NBEA: variants seen among roughly 807,000 people sequenced by gnomAD.
NBEA encodes lysosomal-trafficking regulator 2.
A neutral mutation model predicts 343.4 loss-of-function variants in NBEA; 44 were observed. That is an observed-to-expected ratio of 0.13 (90% CI 0.10 to 0.16). The LOEUF (loss-of-function observed/expected upper bound fraction) is 0.16. NBEA is among the 10% of genes least tolerant of loss of function. The pLI, the probability that NBEA is intolerant of heterozygous loss-of-function variation, is 1.00. For missense variants in NBEA, 2,555 were observed against 3,631.3 expected, an observed-to-expected ratio of 0.70 and a Z score of 7.62; for synonymous variants, 1,175 against 1,238.7, an observed-to-expected ratio of 0.95 and a Z score of 1.08.
chr13:35,644,723 A>G (rs2084134493), intron 49 of NBEA, among the ~76,000 whole-genome samples: 1 of 152,218 alleles, frequency 6.6e-6, no homozygotes, highest in Non-Finnish European at 1.5e-5. Context: ...TTCTTTGCAA[A>G]TAATTCTCAA....
intron 17 of NBEA, among the ~76,000 whole-genome samples, chr13:35,138,767 C>T (rs972586474): frequency 6.6e-6 from 1 of 151,878 alleles, no homozygotes; most frequent in African/African-American, 2.4e-5. Context: ...GCCAATTATG[C>T]TCCATTTTTC....
chr13:35,366,752 A>T (rs2041142634), intron 38 of NBEA, among the ~76,000 whole-genome samples: 1 of 151,324 alleles, frequency 6.6e-6, no homozygotes, highest in Non-Finnish European at 1.5e-5. Flanking sequence ...TAATTAACAC[A>T]TCACACTAGG....
At chr13:35,112,777 A>G (rs1417020599) in intron 13 of NBEA, among the ~76,000 whole-genome samples, 2 of 152,142 alleles carry the variant, frequency 1.3e-5, no homozygotes, top group East Asian at 1.9e-4. Context: ...ACACACCTAC[A>G]GATATATACA....
chr13:35,022,095 A>G (rs2061864190), intron 1 of NBEA, among the ~76,000 whole-genome samples: 1 of 152,108 alleles, frequency 6.6e-6, no homozygotes, highest in Non-Finnish European at 1.5e-5. Context: ...TTGTTAGACT[A>G]AGAGAATTTA....
Position 35,058,842 on chromosome 13 carries a change from T to C in NBEA, c.1218T>C (p.His406=), listed in dbSNP as rs1424459856. 3.1e-6 allele frequency: 5 copies of C among 1,606,792 alleles called. No homozygotes were observed. In the African/African-American group the frequency reaches 4.0e-5, roughly 13 times the overall value. Residue 406 remains histidine (H), a synonymous_variant, in exon 8 of 59, where the codon CAT becomes CAC. Coordinates refer to ENST00000379939, the MANE Select transcript of NBEA (RefSeq NM_001385012.1). ...ALNPAQIFAI[H]QLGPGYKSTF... Reference sequence around the variant, plus strand: ...ACCCAGCACAGATATTTGCAATTCATCAGTTAGGACCTGGATATAAGGTAG... The same window carrying C: ...ACCCAGCACAGATATTTGCAATTCACCAGTTAGGACCTGGATATAAGGTAG...
At chr13:35,623,229 T>G (rs908109285) in intron 48 of NBEA, among the ~76,000 whole-genome samples, 1 of 152,162 alleles carries the variant, frequency 6.6e-6, no homozygotes, top group African/African-American at 2.4e-5. Flanking sequence ...CGTTTCAAAG[T>G]GCCAAATAGG....
chr13:35,667,150 TA>T (rs1459757857), intron 56 of NBEA, among the ~76,000 whole-genome samples: 1 of 152,228 alleles, frequency 6.6e-6, no homozygotes, highest in African/African-American at 2.4e-5. Flanking sequence ...ACCAAGTATC[TA>T]CCTGGTGAAG....
chr13:35,236,926 A>G (rs2075267373), intron 34 of NBEA, among the ~76,000 whole-genome samples: 1 of 152,048 alleles, frequency 6.6e-6, no homozygotes, highest in Non-Finnish European at 1.5e-5. Context: ...CTTATTGTTT[A>G]TATTGTCATT....
chr13:35,187,355 T>A (rs1428310787), intron 30 of NBEA, among the ~76,000 whole-genome samples: 1 of 151,878 alleles, frequency 6.6e-6, no homozygotes, highest in Non-Finnish European at 1.5e-5. Context: ...CCATAGTTTC[T>A]TCATTGGACT....
intron 10 of NBEA, among the ~76,000 whole-genome samples, chr13:35,076,576 A>T (rs1205757975): frequency 6.6e-6 from 1 of 151,696 alleles, no homozygotes; most frequent in Non-Finnish European, 1.5e-5. Context: ...TTTCTCTGTA[A>T]ATTTTTCTTT....
At chr13:35,428,841 C>T (rs2044892348) in intron 38 of NBEA, among the ~76,000 whole-genome samples, 1 of 152,152 alleles carries the variant, frequency 6.6e-6, no homozygotes, top group Non-Finnish European at 1.5e-5. Context: ...TTTAAACCTT[C>T]TATTTAGACT....
intron 38 of NBEA, among the ~76,000 whole-genome samples, chr13:35,393,194 A>G (rs939188261): frequency 6.6e-6 from 1 of 152,148 alleles, no homozygotes; most frequent in African/African-American, 2.4e-5. Context: ...ACAACACCTT[A>G]AACAGTTAAC....
chr13:34,995,047 A>G (rs1361793837), intron 1 of NBEA, among the ~76,000 whole-genome samples: 2 of 152,206 alleles, frequency 1.3e-5, no homozygotes, highest in African/African-American at 2.4e-5. Flanking sequence ...CCTCAGTCCT[A>G]GGTTCTCTCT....
intron 53 of NBEA, among the ~76,000 whole-genome samples, chr13:35,652,990 G>A (rs980273082): frequency 2.6e-5 from 4 of 151,954 alleles, no homozygotes; most frequent in Non-Finnish European, 4.4e-5. Flanking sequence ...CACCGCGCCC[G>A]GCCACCTCTG....
chr13:35,643,072 C>G (rs530728263), intron 49 of NBEA, among the ~76,000 whole-genome samples: 66 of 150,078 alleles, frequency 4.4e-4, no homozygotes, highest in Non-Finnish European at 8.5e-4. Context: ...AGGAATTCAT[C>G]TCACAGTTCC....
At chr13:34,995,001 T>A (rs2060889636) in intron 1 of NBEA, among the ~76,000 whole-genome samples, 1 of 152,190 alleles carries the variant, frequency 6.6e-6, no homozygotes, top group Non-Finnish European at 1.5e-5. Context: ...ACATTTGAAG[T>A]GAGAGGACTG....
intron 1 of NBEA, among the ~76,000 whole-genome samples, chr13:35,037,931 G>T (rs1253616875): frequency 2.0e-5 from 3 of 152,210 alleles, no homozygotes; most frequent in Admixed American, 2.0e-4. Flanking sequence ...TCTCTTCAGG[G>T]TGGCAAAGTC....
chr13:35,334,954 C>T (rs1393679633), intron 36 of NBEA, among the ~76,000 whole-genome samples: 1 of 151,986 alleles, frequency 6.6e-6, no homozygotes, highest in African/African-American at 2.4e-5. Context: ...GAGATTTTCC[C>T]CAGTGTTTTC....
At chr13:35,516,760 A>G (rs2077500298) in intron 41 of NBEA, among the ~76,000 whole-genome samples, 1 of 152,230 alleles carries the variant, frequency 6.6e-6, no homozygotes, top group African/African-American at 2.4e-5. Context: ...AAAAGAAACT[A>G]ACATTTCCCA....
Sources: allele counts gnomAD v4.1 joint callset (sites outside exome capture counted in the v4.1 genomes callset), GRCh38; gene constraint gnomAD v4.1.1; transcripts MANE v1.5; gene names NCBI Gene and HGNC (gene_info 2026-07-23, HGNC 2026-07-21).